Variants in TPO observed in about 807,000 individuals in gnomAD.
The protein encoded by TPO is thyroid microsomal antigen.
A neutral mutation model predicts 96.9 loss-of-function variants in TPO; 78 were observed. The observed-to-expected ratio is 0.81, with a 90% CI of 0.67 to 0.97. TPO has a LOEUF of 0.97. Ranked by LOEUF, TPO falls within the 50% of genes least tolerant of loss-of-function variation. The pLI is 0.00. For missense variants in TPO, 1,252 were observed against 1,274.8 expected, an observed-to-expected ratio of 0.98 and a Z score of 0.27; for synonymous variants, 547 against 538.0, an observed-to-expected ratio of 1.02 and a Z score of -0.23.
chr2:1,425,337 T>C (rs886870854), intron 3 of TPO, among the ~76,000 whole-genome samples: 4 of 152,254 alleles, frequency 2.6e-5, no homozygotes, highest in Admixed American at 6.5e-5. Context: ...TTCTCAGAAG[T>C]CCATGCCCGT....
intron 3 of TPO, among the ~76,000 whole-genome samples, chr2:1,429,699 A>G (rs1573145687): frequency 2.0e-5 from 3 of 152,238 alleles, no homozygotes; most frequent in Non-Finnish European, 2.9e-5. Context: ...CGCCTGTGCT[A>G]TGCCTCAGCA....
intron 15 of TPO, among the ~76,000 whole-genome samples, chr2:1,529,637 TCC>T (rs1553337547): frequency 9.5e-6 from 1 of 104,802 alleles, no homozygotes; most frequent in African/African-American, 4.1e-5. Context: ...CCTCCTCAAA[TCC>T]CCGTACTGTG....
chr2:1,486,867 G>T (rs1361898814), intron 9 of TPO, among the ~76,000 whole-genome samples: 1 of 152,196 alleles, frequency 6.6e-6, no homozygotes. Flanking sequence ...GCTGAGTCAT[G>T]CACAGTGCAC....
intron 2 of TPO, among the ~76,000 whole-genome samples, chr2:1,416,438 T>C (rs1164657030): frequency 6.6e-6 from 1 of 152,264 alleles, no homozygotes; most frequent in Non-Finnish European, 1.5e-5. Context: ...TTTAAAACTT[T>C]GTAACATGTT....
At chr2:1,383,187 A>C (rs9326163) in intron 1 of TPO, among the ~76,000 whole-genome samples, 79,418 of 151,868 alleles carry the variant, frequency 0.52, 23,051 homozygotes, top group East Asian at 0.79. Flanking sequence ...AATAAACACA[A>C]GTGTGCGTGT....
chr2:1,493,214 G>GGGC (rs1671961735), intron 10 of TPO, among the ~76,000 whole-genome samples: 1 of 125,008 alleles, frequency 8.0e-6, no homozygotes, highest in African/African-American at 2.9e-5. Flanking sequence ...GTGGGTGGGG[G>GGGC]GGGGGGTGCT....
At chr2:1,381,755 A>C (rs1360544987) in intron 1 of TPO, among the ~76,000 whole-genome samples, 1 of 152,202 alleles carries the variant, frequency 6.6e-6, no homozygotes, top group African/African-American at 2.4e-5. Context: ...TGAAGAATTA[A>C]ATGTGCAAAA....
chr2:1,485,435 T>G (rs1160895773), intron 9 of TPO, among the ~76,000 whole-genome samples: 1 of 152,192 alleles, frequency 6.6e-6, no homozygotes, highest in African/African-American at 2.4e-5. Context: ...ATTGGATCGC[T>G]GGGTCAAATG....
Position 1,423,074 on chromosome 2 carries a change from G to A in TPO, c.124G>A (p.Val42Ile), listed in dbSNP as rs147325430. 42 of 1,614,174 alleles carry A rather than the reference G, an allele frequency of 2.6e-5. No homozygotes were observed. The African/African-American group carries it at 4.5e-4, about 17-fold the overall frequency. The change falls in exon 3 of 17, where the codon GTC (valine) becomes ATC (isoleucine). Residue 42 changes from valine (V) to isoleucine (I), a missense_variant. Physicochemically the swap from Val to Ile is conservative, Grantham distance 29. Transcript: ENST00000329066. Reference protein sequence around the residue: ...GKPEESRVSSVLEESKRLVDT... With the variant: ...GKPEESRVSSILEESKRLVDT... ...GCCTGAGGAGTCTCGTGTCTCTAGC[G>A]TCTTGGAGGAAAGCAAGCGCCTGGT...
At chr2:1,492,951 A>ATGAGGGAC (rs1419857061) in intron 10 of TPO, among the ~76,000 whole-genome samples, 1 of 152,016 alleles carries the variant, frequency 6.6e-6, no homozygotes, top group East Asian at 1.9e-4. Context: ...AGAGGAGTGG[A>ATGAGGGAC]TGAGGGACGA....
chr2:1,540,565 C>T (rs1334779706), intron 15 of TPO, 29 bp from the exon 16 acceptor site: 2 of 1,611,490 alleles, frequency 1.2e-6, no homozygotes, highest in Non-Finnish European at 1.7e-6. Context: ...CGGACCCTCT[C>T]CCGATAACTG....
intron 2 of TPO, among the ~76,000 whole-genome samples, chr2:1,417,984 A>C (rs1558259177): frequency 6.6e-6 from 1 of 150,776 alleles, no homozygotes; most frequent in Non-Finnish European, 1.5e-5. Context: ...TCACATCTGC[A>C]ATCCCAACAC....
At chr2:1,469,301 A>C (rs1412760298) in intron 7 of TPO, among the ~76,000 whole-genome samples, 1 of 152,000 alleles carries the variant, frequency 6.6e-6, no homozygotes, top group Non-Finnish European at 1.5e-5. Flanking sequence ...ATATTACCAG[A>C]GTTGGTTTTC....
At chr2:1,534,553 A>C (rs150616075) in intron 15 of TPO, among the ~76,000 whole-genome samples, 397 of 33,824 alleles carry the variant, frequency 0.012, 48 homozygotes, top group Middle Eastern at 0.029. Flanking sequence ...CCAAATCCCT[A>C]CCACTCTGTG....
intron 8 of TPO, 77 bp from the exon 9 acceptor site, chr2:1,484,519 C>T (rs186811055): frequency 1.9e-4 from 294 of 1,586,278 alleles, no homozygotes; most frequent in Middle Eastern, 8.3e-4. Context: ...AAGGAAGATG[C>T]TCTTCCACAC....
chr2:1,461,977 G>A (rs1190570732), intron 7 of TPO, among the ~76,000 whole-genome samples: 2 of 152,168 alleles, frequency 1.3e-5, no homozygotes, highest in African/African-American at 4.8e-5. Flanking sequence ...AGGGAAAGGC[G>A]GGTGCTCTCA....
intron 15 of TPO, among the ~76,000 whole-genome samples, chr2:1,534,774 T>A (rs1402896819): frequency 2.3e-5 from 3 of 131,772 alleles, no homozygotes; most frequent in Non-Finnish European, 3.2e-5. Context: ...TGCAACCTCC[T>A]CAAATATCCC....
At chr2:1,489,148 C>G (rs1464796262) in intron 10 of TPO, among the ~76,000 whole-genome samples, 1 of 151,790 alleles carries the variant, frequency 6.6e-6, no homozygotes, top group Admixed American at 6.6e-5. Flanking sequence ...CAGCACATGC[C>G]CAGCACATAC....
intron 15 of TPO, among the ~76,000 whole-genome samples, chr2:1,540,089 C>G (rs564152849): frequency 7.9e-5 from 12 of 152,328 alleles, no homozygotes; most frequent in African/African-American, 2.9e-4. Context: ...CTCCACGCCT[C>G]CCAGAGACCA....
Sources: allele counts gnomAD v4.1 joint callset (sites outside exome capture counted in the v4.1 genomes callset), GRCh38; gene constraint gnomAD v4.1.1; transcripts MANE v1.5; gene names NCBI Gene and HGNC (gene_info 2026-07-23, HGNC 2026-07-21).